GNAQ: variants seen among roughly 807,000 people sequenced by gnomAD.
GNAQ encodes the protein G protein subunit alpha q.
A neutral mutation model predicts 43.9 loss-of-function variants in GNAQ; 8 were observed. The observed-to-expected ratio is 0.18, with a 90% confidence interval of 0.11 to 0.33. GNAQ has a LOEUF of 0.33. Ranked by LOEUF, GNAQ falls within the 10% of genes least tolerant of loss-of-function variation. The pLI, the probability that GNAQ is intolerant of heterozygous loss-of-function variation, is 1.00. For missense variants in GNAQ, 158 were observed against 450.8 expected, an observed-to-expected ratio of 0.35 and a Z score of 5.88; for synonymous variants, 155 against 170.7, an observed-to-expected ratio of 0.91 and a Z score of 0.71.
intron 1 of GNAQ, among the ~76,000 whole-genome samples, chr9:77,970,648 G>C (rs962132490): frequency 6.6e-6 from 1 of 152,102 alleles, no homozygotes; most frequent in Non-Finnish European, 1.5e-5. Flanking sequence ...AGTGTGTAGA[G>C]GGAAATTTAT....
chr9:77,844,595 T>C (rs976930300), intron 2 of GNAQ, among the ~76,000 whole-genome samples: 2 of 152,192 alleles, frequency 1.3e-5, no homozygotes, highest in African/African-American at 2.4e-5. Flanking sequence ...GAATCAGAAT[T>C]TCAATATACT....
intron 1 of GNAQ, among the ~76,000 whole-genome samples, chr9:77,969,172 C>T (rs1823205835): frequency 2.0e-5 from 3 of 152,188 alleles, no homozygotes; most frequent in Admixed American, 2.0e-4. Context: ...AGCCAAGCAG[C>T]CCATTCAGTC....
chr9:77,879,036 A>G (rs142743766), intron 2 of GNAQ, among the ~76,000 whole-genome samples: 2,755 of 152,190 alleles, frequency 0.018, 71 homozygotes, highest in African/African-American at 0.056. Context: ...ACAGAGCAAG[A>G]CTGTGTCTCA....
intron 3 of GNAQ, among the ~76,000 whole-genome samples, chr9:77,799,688 C>A (rs983537381): frequency 6.6e-6 from 1 of 152,150 alleles, no homozygotes; most frequent in African/African-American, 2.4e-5. Context: ...CTGACTTTAA[C>A]AAAGAAATAA....
At chr9:77,967,765 AG>A (rs1163701320) in intron 1 of GNAQ, among the ~76,000 whole-genome samples, 1 of 152,164 alleles carries the variant, frequency 6.6e-6, no homozygotes. Context: ...GGATCACCTG[AG>A]GTCAGCAGTT....
At chr9:77,779,680 C>CAAAAAAAAAAAAAAA (rs58014303) in intron 5 of GNAQ, among the ~76,000 whole-genome samples, 4 of 95,942 alleles carry the variant, frequency 4.2e-5, no homozygotes, top group Admixed American at 1.1e-4. Flanking sequence ...AAAAACAAAA[C>CAAAAAAAAAAAAAAA]AAAAAAAAAA....
intron 1 of GNAQ, among the ~76,000 whole-genome samples, chr9:78,027,751 CAAA>C (rs34880934): frequency 1.2e-4 from 14 of 115,452 alleles, no homozygotes; most frequent in Admixed American, 2.6e-4. Flanking sequence ...AACTCCATCT[CAAA>C]AAAAAAAAAA....
intron 1 of GNAQ, among the ~76,000 whole-genome samples, chr9:78,014,350 C>T (rs1394453288): frequency 3.9e-5 from 6 of 152,230 alleles, no homozygotes; most frequent in Admixed American, 6.5e-5. Flanking sequence ...TTAGGCCAGG[C>T]GTGGTGGCTC....
intron 2 of GNAQ, among the ~76,000 whole-genome samples, chr9:77,860,723 C>T (rs1827836239): frequency 6.6e-6 from 1 of 152,140 alleles, no homozygotes; most frequent in African/African-American, 2.4e-5. Context: ...GGGACCCCTT[C>T]CATAACACAC....
intron 5 of GNAQ, among the ~76,000 whole-genome samples, chr9:77,737,680 G>A (rs1825594782): frequency 1.3e-5 from 2 of 152,154 alleles, no homozygotes; most frequent in Admixed American, 1.3e-4. Flanking sequence ...TTGGGATATT[G>A]CACCAAACCA....
At chr9:77,819,039 A>G (rs1193059136) in intron 2 of GNAQ, among the ~76,000 whole-genome samples, 6 of 151,424 alleles carry the variant, frequency 4.0e-5, no homozygotes, top group Non-Finnish European at 7.4e-5. Context: ...ACACCCAAAA[A>G]TACCTAGTAT....
intron 1 of GNAQ, among the ~76,000 whole-genome samples, chr9:78,004,495 T>G (rs1823681990): frequency 6.6e-6 from 1 of 152,138 alleles, no homozygotes; most frequent in East Asian, 1.9e-4. Flanking sequence ...GAGATTCTCA[T>G]GAACATGAAA....
At chr9:78,016,350 G>A (rs1823837665) in intron 1 of GNAQ, among the ~76,000 whole-genome samples, 1 of 152,078 alleles carries the variant, frequency 6.6e-6, no homozygotes, top group South Asian at 2.1e-4. Context: ...TTGTCCTAGG[G>A]CACTCCATCT....
chr9:77,787,584 T>C (rs1416716010), intron 5 of GNAQ, among the ~76,000 whole-genome samples: 1 of 152,232 alleles, frequency 6.6e-6, no homozygotes, highest in African/African-American at 2.4e-5. Context: ...ATTATATGTA[T>C]GCAGGAAGCC....
intron 3 of GNAQ, among the ~76,000 whole-genome samples, chr9:77,808,119 T>C (rs1826855987): frequency 1.3e-5 from 2 of 152,058 alleles, no homozygotes; most frequent in South Asian, 4.1e-4. Flanking sequence ...CCTGATAAAA[T>C]GTGAGCAAAC....
intron 2 of GNAQ, among the ~76,000 whole-genome samples, chr9:77,846,161 T>C (rs995870348): frequency 6.6e-6 from 1 of 152,224 alleles, no homozygotes; most frequent in Non-Finnish European, 1.5e-5. Flanking sequence ...TTAAAAAACA[T>C]TGAAATAGCT....
At chr9:77,950,482 C>T (rs1177979630) in intron 1 of GNAQ, among the ~76,000 whole-genome samples, 1 of 152,208 alleles carries the variant, frequency 6.6e-6, no homozygotes, top group Non-Finnish European at 1.5e-5. Context: ...TTCCCATGCT[C>T]GTTTCTGCAA....
At chr9:77,738,957 A>G (rs1048199999) in intron 5 of GNAQ, among the ~76,000 whole-genome samples, 1 of 151,986 alleles carries the variant, frequency 6.6e-6, no homozygotes. Context: ...TTTGTGTACT[A>G]TTATAAATAA....
chr9:78,025,886 T>A (rs886388934), intron 1 of GNAQ, among the ~76,000 whole-genome samples: 1 of 152,170 alleles, frequency 6.6e-6, no homozygotes, highest in Admixed American at 6.5e-5. Flanking sequence ...TGTGCCTGGA[T>A]CATAAAGAAA....
Sources: gnomAD v4.1 joint callset for allele counts (sites outside exome capture counted in the v4.1 genomes callset) on GRCh38, gnomAD v4.1.1 for gene constraint, MANE v1.5 for transcripts, NCBI Gene and HGNC (gene_info 2026-07-23, HGNC 2026-07-21) for gene names.